The following PXDNL variants were observed in gnomAD, a reference collection of about 807,000 sequenced individuals.
PXDNL encodes peroxidasin like.
A neutral mutation model predicts 150.8 loss-of-function variants in PXDNL; 145 were observed. That is an observed-to-expected ratio of 0.96 (90% CI 0.84 to 1.10). The LOEUF is 1.10. Among genes scored for constraint, PXDNL ranks in the 50% least tolerant of loss-of-function variants. The probability of loss-of-function intolerance (pLI) is 0.00; values close to 1 mark genes in which losing one functional copy is unlikely to be tolerated. For synonymous variants in PXDNL, 757 were observed against 725.7 expected, an observed-to-expected ratio of 1.04 and a Z score of -0.69; for missense variants, 2,087 against 1,873.9, an observed-to-expected ratio of 1.11 and a Z score of -2.10.
chr8:51,653,499 G>T (rs1444047359), intron 2 of PXDNL, among the ~76,000 whole-genome samples: 1 of 152,180 alleles, frequency 6.6e-6, no homozygotes. Flanking sequence ...GGGGAAGAGG[G>T]CTAGGAATTT....
intron 2 of PXDNL, among the ~76,000 whole-genome samples, chr8:51,642,061 A>G (rs1364356305): frequency 6.6e-6 from 1 of 152,118 alleles, no homozygotes; most frequent in Non-Finnish European, 1.5e-5. Context: ...TTGTAGGGAC[A>G]TGGATGAAAT....
chr8:51,646,603 G>A (rs1814924484), intron 2 of PXDNL, among the ~76,000 whole-genome samples: 1 of 152,100 alleles, frequency 6.6e-6, no homozygotes, highest in African/African-American at 2.4e-5. Flanking sequence ...AGACTGACCT[G>A]GGTAGGTTTA....
chr8:51,719,011 C>T (rs1321537152), intron 1 of PXDNL, among the ~76,000 whole-genome samples: 3 of 151,960 alleles, frequency 2.0e-5, no homozygotes, highest in African/African-American at 7.2e-5. Context: ...CCCCGATCGG[C>T]CAGCCGCCCC....
intron 3 of PXDNL, among the ~76,000 whole-genome samples, chr8:51,558,033 T>C (rs1457712389): frequency 6.6e-6 from 1 of 152,150 alleles, no homozygotes; most frequent in Non-Finnish European, 1.5e-5. Context: ...AATATAGCTA[T>C]GTGTTAGAAT....
At chr8:51,791,215 A>G (rs905171967) in intron 1 of PXDNL, among the ~76,000 whole-genome samples, 5 of 152,240 alleles carry the variant, frequency 3.3e-5, no homozygotes, top group African/African-American at 1.2e-4. Context: ...TCTGTGAGCC[A>G]GAAATACATT....
chr8:51,671,164 G>A (rs1815492790), intron 1 of PXDNL, among the ~76,000 whole-genome samples: 1 of 152,174 alleles, frequency 6.6e-6, no homozygotes, highest in South Asian at 2.1e-4. Context: ...ACTCGAAATA[G>A]TATGAATTAT....
intron 6 of PXDNL, among the ~76,000 whole-genome samples, chr8:51,478,378 C>G (rs1188996867): frequency 6.6e-6 from 1 of 152,190 alleles, no homozygotes; most frequent in African/African-American, 2.4e-5. Flanking sequence ...GGAATATATT[C>G]TCTGCTCAAT....
rs184121516 is a variant in PXDNL, at chr8:51,637,812, C to A, written c.236+16877G>T. 2.3e-3 allele frequency among the ~76,000 whole-genome samples: 354 copies of A among 152,252 alleles called. 2 individuals carry two copies. The highest frequency in any genetic ancestry group is 0.021 in the Admixed American group (319 of 15,294). On this transcript the variant is annotated intron_variant, in intron 2 of 22. Coordinates refer to ENST00000356297, the MANE Select transcript of PXDNL (RefSeq NM_144651.5). Reference sequence around the variant, plus strand: ...ATCCAGGAGAACTTCCCCAACATAGCAAGGCAGGCCAACATTCAAATTCAG... The same window carrying A: ...ATCCAGGAGAACTTCCCCAACATAGAAAGGCAGGCCAACATTCAAATTCAG...
intron 2 of PXDNL, among the ~76,000 whole-genome samples, chr8:51,626,210 T>C (rs932736321): frequency 2.0e-5 from 3 of 152,240 alleles, no homozygotes. Context: ...ACTGTTCTGA[T>C]AGTTTTCTAT....
intron 5 of PXDNL, among the ~76,000 whole-genome samples, chr8:51,496,178 A>G (rs995089643): frequency 3.3e-5 from 5 of 152,212 alleles, no homozygotes; most frequent in Non-Finnish European, 5.9e-5. Flanking sequence ...AATGACAAAA[A>G]CCATATGATT....
In PXDNL at chr8:51,401,813, G is replaced by A. The variant is rs190180550; in HGVS notation, c.3557+6254C>T. Among the ~76,000 whole-genome samples the A allele has an allele frequency of 6.8e-4, 104 of 152,256 alleles. 1 individual carries two copies. Among genetic ancestry groups the A allele is most frequent in the Non-Finnish European group, 3.7e-4 (25 of 68,022 alleles). On this transcript the variant is annotated intron_variant, in intron 17 of 22. Transcript: ENST00000356297. ...TAGATTCTACTAGATTTGGGAAATG[G>A]TCTTACATGAAATGGTCAACAATCA...
At chr8:51,727,600 T>C (rs1321321541) in intron 1 of PXDNL, among the ~76,000 whole-genome samples, 1 of 152,152 alleles carries the variant, frequency 6.6e-6, no homozygotes, top group African/African-American at 2.4e-5. Flanking sequence ...GAGCACTATG[T>C]AAGCAAACTG....
chr8:51,540,645 G>A (rs191507610), intron 4 of PXDNL, among the ~76,000 whole-genome samples: 31 of 152,006 alleles, frequency 2.0e-4, no homozygotes, highest in East Asian at 7.7e-4. Flanking sequence ...AATCTATCTC[G>A]GGGAATGATA....
chr8:51,541,357 C>T (rs1336354377), intron 4 of PXDNL, among the ~76,000 whole-genome samples: 1 of 152,104 alleles, frequency 6.6e-6, no homozygotes, highest in Admixed American at 6.5e-5. Context: ...TAAAGCAAGC[C>T]CAGAATGATC....
intron 3 of PXDNL, among the ~76,000 whole-genome samples, chr8:51,574,405 G>A (rs746982598): frequency 3.3e-5 from 5 of 151,602 alleles, no homozygotes; most frequent in Non-Finnish European, 5.9e-5. Flanking sequence ...AATATACACC[G>A]AGTCTCAGGG....
At chr8:51,357,842 A>G (rs1806564285) in intron 19 of PXDNL, among the ~76,000 whole-genome samples, 1 of 152,226 alleles carries the variant, frequency 6.6e-6, no homozygotes, top group East Asian at 1.9e-4. Flanking sequence ...TATCCACAAC[A>G]TACCTTTAAA....
At position 51,320,823 on chromosome 8, in the gene PXDNL, C is replaced by T. The variant is rs760575154; in HGVS notation, c.4221G>A (p.Glu1407=). The change falls in exon 22 of 23, where the codon GAG becomes GAA. Residue 1407 remains glutamate (E), a synonymous_variant. Transcript: ENST00000356297. Reference sequence around the variant, plus strand: ...GAGTGCAGTCTTCTTTCATCCAGCGCTCCTCGGCCTTCCTTGGAACCCCTC... The same window carrying T: ...GAGTGCAGTCTTCTTTCATCCAGCGTTCCTCGGCCTTCCTTGGAACCCCTC... ...DVRGVPRKAE[E]RWMKEDCTHC... is the part of the protein sequence containing the mutation. 6.2e-7 allele frequency: 1 copy of T among 1,613,964 alleles called. No homozygotes were observed. The highest frequency in any genetic ancestry group is 8.5e-7 in the Non-Finnish European group (1 of 1,179,864).
chr8:51,538,110 G>A (rs983573856), intron 4 of PXDNL, among the ~76,000 whole-genome samples: 3 of 152,162 alleles, frequency 2.0e-5, no homozygotes, highest in African/African-American at 4.8e-5. Flanking sequence ...CAGGGAATAC[G>A]GTGAAATTGC....
chr8:51,447,216 G>A, intron 11 of PXDNL, 54 bp from the exon 12 acceptor site: 2 of 1,578,360 alleles, frequency 1.3e-6, no homozygotes, highest in Non-Finnish European at 1.7e-6. Context: ...CTGAAAGCCA[G>A]AGCTGCTGGC....
Sources: gnomAD v4.1 joint callset for allele counts (sites outside exome capture counted in the v4.1 genomes callset) on GRCh38, gnomAD v4.1.1 for gene constraint, MANE v1.5 for transcripts, NCBI Gene and HGNC (gene_info 2026-07-23, HGNC 2026-07-21) for gene names.